ARAP2: variants seen among roughly 807,000 people sequenced by gnomAD.
The protein encoded by ARAP2 is ArfGAP with RhoGAP domain, ankyrin repeat and PH domain 2, also known as arf-GAP with Rho-GAP domain, ANK repeat and PH domain-containing protein 2.
ARAP2 carries 148 observed loss-of-function variants against 194.5 expected under a neutral mutation model. The ratio of observed to expected loss-of-function variants is 0.76; its 90% CI spans 0.67 to 0.87. ARAP2 has a LOEUF of 0.87. ARAP2 is among the 40% of genes least tolerant of loss of function. The probability of loss-of-function intolerance (pLI) is 0.00; values close to 1 mark genes in which losing one functional copy is unlikely to be tolerated. For missense variants in ARAP2, 2,128 were observed against 1,989.7 expected, an observed-to-expected ratio of 1.07 and a Z score of -1.32; for synonymous variants, 695 against 683.5, an observed-to-expected ratio of 1.02 and a Z score of -0.26.
At chr4:36,042,691 T>C (rs1053505126) in intron 5 of ARAP2, among the ~76,000 whole-genome samples, 9 of 152,190 alleles carry the variant, frequency 5.9e-5, no homozygotes. Context: ...AACTTTCAAG[T>C]ATACCTTTTA....
chr4:36,011,004 T>A (rs1714426965), intron 9 of ARAP2, among the ~76,000 whole-genome samples: 1 of 152,156 alleles, frequency 6.6e-6, no homozygotes, highest in African/African-American at 2.4e-5. Context: ...GAAGAACATT[T>A]AATGGTAGTT....
intron 2 of ARAP2, among the ~76,000 whole-genome samples, chr4:36,217,879 T>C (rs953668686): frequency 2.0e-4 from 30 of 150,950 alleles, no homozygotes; most frequent in Admixed American, 1.4e-3. Flanking sequence ...TATACGATAA[T>C]ACTAGATAAA....
intron 10 of ARAP2, chr4:36,006,890 A>T (rs1053475719): frequency 2.0e-5 from 3 of 152,144 alleles, no homozygotes; most frequent in African/African-American, 7.2e-5. Context: ...AATTTTTAAA[A>T]GAGAGAAAGT....
chr4:36,078,336 G>A (rs868867151), intron 31 of ARAP2, among the ~76,000 whole-genome samples: 1 of 152,110 alleles, frequency 6.6e-6, no homozygotes, highest in Admixed American at 6.6e-5. Context: ...GTTTCTCTGA[G>A]AATGGGATAT....
chr4:36,147,977 T>C (rs1730044634), intron 17 of ARAP2, among the ~76,000 whole-genome samples: 1 of 152,112 alleles, frequency 6.6e-6, no homozygotes, highest in Non-Finnish European at 1.5e-5. Flanking sequence ...ATGTATAGAG[T>C]TGAAACTGCA....
At chr4:36,228,532 A>C (rs1434345282) in intron 2 of ARAP2, 50 bp downstream of exon 2, 12 of 1,491,708 alleles carry the variant, frequency 8.0e-6, no homozygotes, top group Non-Finnish European at 1.1e-5. Flanking sequence ...AAAAAAAATC[A>C]CTGAATTTCC....
Position 36,138,502 on chromosome 4 carries a change from C to A in ARAP2, c.3264-5113G>T, listed in dbSNP as rs1483655673. Among the ~76,000 whole-genome samples the A allele has an allele frequency of 2.0e-5, 3 of 151,716 alleles. No individual in the cohort carries two copies. In the East Asian group the frequency reaches 5.8e-4, roughly 30 times the overall value. On this transcript the variant is annotated intron_variant, in intron 19 of 32. Transcript: ENST00000303965. ...TTTGTGTCTGGCTTCTTTTATTCAG[C>A]ACAATGTTTTTTAAGATTCATTCAT...
At chr4:36,179,728 G>T (rs1023112363) in intron 8 of ARAP2, among the ~76,000 whole-genome samples, 2 of 152,218 alleles carry the variant, frequency 1.3e-5, no homozygotes, top group Non-Finnish European at 2.9e-5. Context: ...CAGTTTCTCA[G>T]ATCCTTCTCA....
chr4:36,144,702 C>A (rs1344117011), intron 19 of ARAP2, among the ~76,000 whole-genome samples: 1 of 151,716 alleles, frequency 6.6e-6, no homozygotes, highest in Non-Finnish European at 1.5e-5. Context: ...CTTGTCACAG[C>A]AATAAAAATA....
chr4:36,017,427 G>C (rs1461061096), intron 6 of ARAP2, among the ~76,000 whole-genome samples: 2 of 151,578 alleles, frequency 1.3e-5, no homozygotes, highest in East Asian at 3.9e-4. Context: ...GTCATGATGA[G>C]AAACAGAGAA....
intron 5 of ARAP2, 144 bp downstream of exon 5, chr4:36,212,252 A>T: frequency 1.8e-6 from 1 of 563,024 alleles, no homozygotes; most frequent in Non-Finnish European, 3.0e-6. Context: ...GGGTGCTGCT[A>T]TGCTTACATT....
chr4:36,173,825 T>C (rs557698561), intron 9 of ARAP2, among the ~76,000 whole-genome samples: 1 of 152,320 alleles, frequency 6.6e-6, no homozygotes, highest in South Asian at 2.1e-4. Context: ...ATTCACACTG[T>C]CAATTTGGGA....
At chr4:36,224,117 G>T (rs1346220762) in intron 2 of ARAP2, among the ~76,000 whole-genome samples, 1 of 149,488 alleles carries the variant, frequency 6.7e-6, no homozygotes, top group Non-Finnish European at 1.5e-5. Flanking sequence ...TAATGTCAAA[G>T]ATATCCCCTT....
chr4:36,114,115 G>T (rs1720723514), intron 26 of ARAP2, 55 bp downstream of exon 26: 7 of 1,196,464 alleles, frequency 5.9e-6, no homozygotes, highest in Non-Finnish European at 8.5e-6. Context: ...TTGTCTTAAA[G>T]AGTACTTTTT....
intron 22 of ARAP2, among the ~76,000 whole-genome samples, chr4:36,122,219 A>T (rs1337737316): frequency 1.3e-5 from 2 of 151,792 alleles, no homozygotes; most frequent in Non-Finnish European, 2.9e-5. Context: ...CAATTTCTCA[A>T]AGACCTAAAG....
At chr4:36,146,195 C>A (rs761804923) in intron 19 of ARAP2, among the ~76,000 whole-genome samples, 3 of 151,938 alleles carry the variant, frequency 2.0e-5, no homozygotes, top group South Asian at 2.1e-4. Context: ...TCTAACTTCA[C>A]GAAACATCCA....
At chr4:36,170,435 C>G (rs772981188) in intron 9 of ARAP2, among the ~76,000 whole-genome samples, 1 of 152,066 alleles carries the variant, frequency 6.6e-6, no homozygotes, top group African/African-American at 2.4e-5. Flanking sequence ...AAACGAAAAC[C>G]AAAAAGACTC....
At chr4:36,081,115 A>G (rs1560386297) in intron 30 of ARAP2, among the ~76,000 whole-genome samples, 1 of 152,092 alleles carries the variant, frequency 6.6e-6, no homozygotes, top group Non-Finnish European at 1.5e-5. Context: ...CTTCATCAGC[A>G]CCTCATGAAA....
chr4:36,108,451 A>G (rs1718997495), intron 26 of ARAP2, among the ~76,000 whole-genome samples: 1 of 151,964 alleles, frequency 6.6e-6, no homozygotes. Flanking sequence ...TCTATAGAAA[A>G]CACTAAAATC....
Sources: allele counts gnomAD v4.1 joint callset (sites outside exome capture counted in the v4.1 genomes callset), GRCh38; gene constraint gnomAD v4.1.1; transcripts MANE v1.5; gene names NCBI Gene and HGNC (gene_info 2026-07-23, HGNC 2026-07-21).